The following SLC35F4 variants were observed in gnomAD, a reference collection of about 807,000 sequenced individuals.
The protein encoded by SLC35F4 is solute carrier family 35 member F4.
A neutral mutation model predicts 44.2 loss-of-function variants in SLC35F4; 24 were observed. The ratio of observed to expected loss-of-function variants is 0.54; its 90% confidence interval spans 0.39 to 0.76. The LOEUF (loss-of-function observed/expected upper bound fraction) is 0.76. Among genes scored for constraint, SLC35F4 ranks in the 30% least tolerant of loss-of-function variants. The pLI, the probability that SLC35F4 is intolerant of heterozygous loss-of-function variation, is 0.00. For missense variants in SLC35F4, 562 were observed against 586.1 expected (o/e 0.96, Z 0.42); for synonymous variants, 238 against 223.6 (o/e 1.06, Z -0.57).
intron 1 of SLC35F4, among the ~76,000 whole-genome samples, chr14:57,818,943 A>G (rs891533241): frequency 3.3e-5 from 5 of 152,244 alleles, no homozygotes; most frequent in African/African-American, 1.2e-4. Context: ...TGAATGATAC[A>G]GCATTAGAAA....
chr14:57,671,420 G>C (rs1355392988), intron 1 of SLC35F4, among the ~76,000 whole-genome samples: 1 of 151,984 alleles, frequency 6.6e-6, no homozygotes, highest in African/African-American at 2.4e-5. Context: ...GTACTGACCA[G>C]AGTTGTGAGG....
intron 1 of SLC35F4, among the ~76,000 whole-genome samples, chr14:57,960,404 G>C (rs1890316790): frequency 6.6e-6 from 1 of 152,138 alleles, no homozygotes; most frequent in Admixed American, 6.5e-5. Context: ...CCCTTCCAGG[G>C]GACCCACCTT....
At chr14:57,959,371 G>A (rs1890301005) in intron 1 of SLC35F4, among the ~76,000 whole-genome samples, 1 of 152,118 alleles carries the variant, frequency 6.6e-6, no homozygotes, top group South Asian at 2.1e-4. Context: ...AAATTATAAA[G>A]GCAGTACATG....
At chr14:57,830,242 G>T (rs564755510) in intron 1 of SLC35F4, among the ~76,000 whole-genome samples, 298 of 152,194 alleles carry the variant, frequency 2.0e-3, no homozygotes, top group Non-Finnish European at 2.6e-3. Flanking sequence ...TGTGGTTTTG[G>T]TCAAATTGAT....
intron 1 of SLC35F4, among the ~76,000 whole-genome samples, chr14:57,733,382 T>C (rs1436790370): frequency 7.1e-5 from 8 of 112,130 alleles, no homozygotes; most frequent in Non-Finnish European, 1.5e-4. Flanking sequence ...AAAAAAAAAA[T>C]CCCAGCAAAC....
chr14:57,860,059 A>AT (rs1236493538), intron 1 of SLC35F4, among the ~76,000 whole-genome samples: 2 of 152,178 alleles, frequency 1.3e-5, no homozygotes, highest in African/African-American at 4.8e-5. Flanking sequence ...ATGGGATTAA[A>AT]TGAGCTCACT....
chr14:57,957,822 A>G (rs1370107869), intron 1 of SLC35F4, among the ~76,000 whole-genome samples: 1 of 152,198 alleles, frequency 6.6e-6, no homozygotes, highest in Non-Finnish European at 1.5e-5. Flanking sequence ...TCTTCATAAA[A>G]TAAAGAAATA....
chr14:57,757,458 C>G (rs1731367577), intron 1 of SLC35F4, among the ~76,000 whole-genome samples: 1 of 152,004 alleles, frequency 6.6e-6, no homozygotes. Flanking sequence ...TTACTGTCAT[C>G]TTTTAGATGA....
chr14:57,673,229 A>G (rs769949154), intron 1 of SLC35F4, among the ~76,000 whole-genome samples: 28 of 152,160 alleles, frequency 1.8e-4, no homozygotes, highest in Non-Finnish European at 3.2e-4. Context: ...TGGTAACTGA[A>G]TAAAATGAGA....
intron 1 of SLC35F4, among the ~76,000 whole-genome samples, chr14:57,917,111 A>T (rs2141055240): frequency 6.6e-6 from 1 of 152,186 alleles, no homozygotes; most frequent in African/African-American, 2.4e-5. Context: ...CCCACGCTGG[A>T]GTGCAATGGT....
chr14:57,568,253 G>C (rs2068304286), intron 6 of SLC35F4, among the ~76,000 whole-genome samples: 1 of 151,450 alleles, frequency 6.6e-6, no homozygotes, highest in Non-Finnish European at 1.5e-5. Context: ...TGTTCAGCTA[G>C]CACAGGTGGC....
At chr14:57,566,761 T>C (rs1411015787) in intron 6 of SLC35F4, among the ~76,000 whole-genome samples, 197 bp from the exon 7 acceptor site, 2 of 152,246 alleles carry the variant, frequency 1.3e-5, no homozygotes, top group Admixed American at 1.3e-4. Flanking sequence ...TCTGCCACTC[T>C]CTTTACCTGA....
At chr14:57,770,807 T>G (rs2077345693) in intron 1 of SLC35F4, among the ~76,000 whole-genome samples, 1 of 152,232 alleles carries the variant, frequency 6.6e-6, no homozygotes, top group Non-Finnish European at 1.5e-5. Context: ...GGACAATTTA[T>G]TATCGTGTAA....
At chr14:57,758,001 A>ATATGTGTGTGTGTGTG (rs1555384207) in intron 1 of SLC35F4, among the ~76,000 whole-genome samples, 4 of 129,022 alleles carry the variant, frequency 3.1e-5, no homozygotes, top group Admixed American at 1.6e-4. Flanking sequence ...TTATAGGTTC[A>ATATGTGTGTGTGTGTG]TGTGTGTGTG....
At chr14:57,621,664 AT>A (rs911343572) in intron 1 of SLC35F4, among the ~76,000 whole-genome samples, 3 of 152,210 alleles carry the variant, frequency 2.0e-5, no homozygotes, top group Admixed American at 6.5e-5. Context: ...ACAAAAATTA[AT>A]TCAAGATGGA....
chr14:57,903,146 T>C (rs910918850), intron 1 of SLC35F4, among the ~76,000 whole-genome samples: 1 of 152,222 alleles, frequency 6.6e-6, no homozygotes, highest in Non-Finnish European at 1.5e-5. Context: ...ATTTTTTCTG[T>C]CTTTATGCTT....
intron 1 of SLC35F4, among the ~76,000 whole-genome samples, chr14:57,815,293 G>A (rs1882436164): frequency 6.6e-6 from 1 of 152,114 alleles, no homozygotes; most frequent in Non-Finnish European, 1.5e-5. Context: ...GTGTTTTTTA[G>A]CATTTGTGTA....
chr14:57,665,216 ATAT>A, intron 1 of SLC35F4, among the ~76,000 whole-genome samples: 1 of 152,078 alleles, frequency 6.6e-6, no homozygotes, highest in East Asian at 1.9e-4. Flanking sequence ...AGAGTGAAAA[ATAT>A]TATATTTCTT....
At chr14:57,894,055 A>G (rs1888825158) in intron 1 of SLC35F4, among the ~76,000 whole-genome samples, 1 of 152,176 alleles carries the variant, frequency 6.6e-6, no homozygotes, top group East Asian at 1.9e-4. Flanking sequence ...ACATTAGCCA[A>G]TTCGTAGAAG....
Sources: gnomAD v4.1 joint callset for allele counts (sites outside exome capture counted in the v4.1 genomes callset) on GRCh38, gnomAD v4.1.1 for gene constraint, MANE v1.5 for transcripts, NCBI Gene and HGNC (gene_info 2026-07-23, HGNC 2026-07-21) for gene names.